The following CREB5 variants were observed in gnomAD, a reference collection of about 807,000 sequenced individuals.
The protein encoded by CREB5 is cyclic AMP-responsive element-binding protein 5.
In CREB5, 19 loss-of-function variants were observed where a neutral mutation model predicts 57.1. The ratio of observed to expected loss-of-function variants is 0.33; its 90% CI spans 0.23 to 0.49. CREB5 has a LOEUF of 0.49. CREB5 is among the 20% of genes least tolerant of loss of function. The probability of loss-of-function intolerance (pLI) is 0.99; values close to 1 mark genes in which losing one functional copy is unlikely to be tolerated. For missense variants in CREB5, 579 were observed against 671.6 expected (o/e 0.86, Z 1.52); for synonymous variants, 238 against 238.3 (o/e 1.00, Z 0.01).
chr7:28,628,772 T>G (rs1413790531), intron 5 of CREB5, among the ~76,000 whole-genome samples: 1 of 152,196 alleles, frequency 6.6e-6, no homozygotes, highest in Admixed American at 6.5e-5. Context: ...ACATTTCCTC[T>G]GCTGTGACCA....
At chr7:28,649,699 G>T (rs910154039) in intron 5 of CREB5, among the ~76,000 whole-genome samples, 8 of 152,078 alleles carry the variant, frequency 5.3e-5, no homozygotes, top group African/African-American at 1.7e-4. Flanking sequence ...TTTAGGAATG[G>T]ACCATATCTT....
At chr7:28,366,528 T>C (rs994774532) in intron 1 of CREB5, among the ~76,000 whole-genome samples, 1 of 152,200 alleles carries the variant, frequency 6.6e-6, no homozygotes, top group Non-Finnish European at 1.5e-5. Context: ...GAAATACTGT[T>C]TATATACATA....
At chr7:28,610,102 TG>T (rs1797324947) in intron 5 of CREB5, among the ~76,000 whole-genome samples, 1 of 152,192 alleles carries the variant, frequency 6.6e-6, no homozygotes, top group African/African-American at 2.4e-5. Flanking sequence ...TTGTAACTCA[TG>T]CTGTTAGGTC....
At chr7:28,436,951 T>C (rs192582611) in intron 1 of CREB5, among the ~76,000 whole-genome samples, 325 of 152,228 alleles carry the variant, frequency 2.1e-3, no homozygotes, top group African/African-American at 7.5e-3. Flanking sequence ...TAGAGGCAAA[T>C]GATGAAAAGC....
chr7:28,617,135 A>G (rs535182309), intron 5 of CREB5, among the ~76,000 whole-genome samples: 48 of 152,246 alleles, frequency 3.2e-4, no homozygotes, highest in Non-Finnish European at 5.9e-4. Context: ...TTCCCCATGG[A>G]AAGTCTGTTT....
At chr7:28,475,482 A>G (rs10282271) in intron 1 of CREB5, among the ~76,000 whole-genome samples, 24,075 of 139,986 alleles carry the variant, frequency 0.17, 2,051 homozygotes, top group South Asian at 0.28. Flanking sequence ...AGAAAGAAAA[A>G]AAAATAAGGA....
At position 28,560,897 on chromosome 7, in the gene CREB5, C is replaced by CGCGTGTGT. The variant is rs1554344445; in HGVS notation, c.292-9467_292-9466insCGTGTGTG. Among the ~76,000 whole-genome samples the CGCGTGTGT allele has an allele frequency of 1.8e-4, 4 of 22,526 alleles. 1 individual carries two copies. The highest frequency in any genetic ancestry group is 6.3e-4 in the African/African-American group (4 of 6,368). The allele number at this position is 22,526 out of a possible 152,430, so 14.8% of individuals were successfully genotyped here. On this transcript the variant is annotated intron_variant, in intron 4 of 10. Coordinates refer to ENST00000357727, the MANE Select transcript of CREB5 (RefSeq NM_182898.4). ...GCGCGTGCGTGCGTGCGTGTGTGTG[C>CGCGTGTGT]GTGCGCGCGTGCGTGTGCGTGTGTG... is the stretch of plus-strand genomic sequence containing the variant.
At chr7:28,419,885 T>C (rs1562704249) in intron 1 of CREB5, among the ~76,000 whole-genome samples, 1 of 152,182 alleles carries the variant, frequency 6.6e-6, no homozygotes, top group Non-Finnish European at 1.5e-5. Flanking sequence ...TTTTGCAAAA[T>C]CGGATGACTA....
intron 5 of CREB5, among the ~76,000 whole-genome samples, chr7:28,574,213 G>GAAA (rs943102976): frequency 3.3e-5 from 5 of 152,328 alleles, no homozygotes; most frequent in African/African-American, 1.2e-4. Flanking sequence ...AAGTGAGACA[G>GAAA]AAAACAAGCA....
At chr7:28,367,131 C>T (rs1786603958) in intron 1 of CREB5, among the ~76,000 whole-genome samples, 2 of 152,162 alleles carry the variant, frequency 1.3e-5, no homozygotes, top group African/African-American at 4.8e-5. Context: ...GCGATTTCTT[C>T]CCTGTTTATC....
chr7:28,566,491 T>A (rs960263644), intron 4 of CREB5, among the ~76,000 whole-genome samples: 1 of 152,220 alleles, frequency 6.6e-6, no homozygotes, highest in Admixed American at 6.5e-5. Flanking sequence ...CTCTGTACTA[T>A]CAGAAATAAC....
intron 1 of CREB5, among the ~76,000 whole-genome samples, chr7:28,337,751 T>G (rs1477990829): frequency 6.6e-6 from 1 of 152,150 alleles, no homozygotes; most frequent in Non-Finnish European, 1.5e-5. Flanking sequence ...ATTTGTTTTC[T>G]GTTTGTTTTG....
At chr7:28,389,494 T>G (rs529935983) in intron 1 of CREB5, among the ~76,000 whole-genome samples, 3 of 152,270 alleles carry the variant, frequency 2.0e-5, no homozygotes, top group African/African-American at 7.2e-5. Flanking sequence ...TCATGGACAT[T>G]CCAAATTTTT....
chr7:28,567,492 G>A (rs550001673), intron 4 of CREB5, among the ~76,000 whole-genome samples: 3 of 152,212 alleles, frequency 2.0e-5, no homozygotes, highest in Non-Finnish European at 4.4e-5. Context: ...AGGCAATGGA[G>A]ACATAATGGG....
At chr7:28,375,397 A>G (rs1786804087) in intron 1 of CREB5, among the ~76,000 whole-genome samples, 2 of 152,210 alleles carry the variant, frequency 1.3e-5, no homozygotes, top group South Asian at 4.1e-4. Context: ...AGGAATGGTT[A>G]ATGGGTACAA....
At chr7:28,334,013 A>G (rs76681654) in intron 1 of CREB5, among the ~76,000 whole-genome samples, 5,044 of 152,284 alleles carry the variant, frequency 0.033, 143 homozygotes, top group Non-Finnish European at 0.051. Context: ...ATTCCCACCA[A>G]CGGTGTTTCC....
chr7:28,477,513 T>C (rs1791128627), intron 1 of CREB5, among the ~76,000 whole-genome samples: 1 of 152,254 alleles, frequency 6.6e-6, no homozygotes. Flanking sequence ...TCCCTTTTCA[T>C]ACTGATTTGA....
At chr7:28,414,846 C>T (rs1427271623) in intron 1 of CREB5, among the ~76,000 whole-genome samples, 1 of 151,900 alleles carries the variant, frequency 6.6e-6, no homozygotes, top group East Asian at 1.9e-4. Flanking sequence ...TAGCACTCTT[C>T]CAGAAACCCC....
At chr7:28,341,088 CTG>C (rs1472599452) in intron 1 of CREB5, among the ~76,000 whole-genome samples, 2 of 152,100 alleles carry the variant, frequency 1.3e-5, no homozygotes, top group African/African-American at 4.8e-5. Context: ...AAACTAGGTA[CTG>C]TGACCGCTCA....
Sources: allele counts gnomAD v4.1 joint callset (sites outside exome capture counted in the v4.1 genomes callset), GRCh38; gene constraint gnomAD v4.1.1; transcripts MANE v1.5; gene names NCBI Gene and HGNC (gene_info 2026-07-23, HGNC 2026-07-21).